GPC5: variants seen among roughly 807,000 people sequenced by gnomAD.
The protein encoded by GPC5 is glypican-5.
A neutral mutation model predicts 53.9 loss-of-function variants in GPC5; 47 were observed. The ratio of observed to expected loss-of-function variants is 0.87; its 90% CI spans 0.69 to 1.11. The LOEUF (loss-of-function observed/expected upper bound fraction) is 1.11. GPC5 is among the 50% of genes most tolerant of loss of function. The pLI, the probability that GPC5 is intolerant of heterozygous loss-of-function variation, is 0.00. For missense variants in GPC5, 748 were observed against 713.1 expected, an observed-to-expected ratio of 1.05 and a Z score of -0.56; for synonymous variants, 286 against 263.3, an observed-to-expected ratio of 1.09 and a Z score of -0.84.
intron 6 of GPC5, among the ~76,000 whole-genome samples, chr13:92,057,663 CTCA>C (rs980324400): frequency 2.0e-5 from 3 of 152,108 alleles, no homozygotes; most frequent in African/African-American, 7.2e-5. Flanking sequence ...AGACATGTAT[CTCA>C]TCATAGCCTG....
At chr13:91,724,737 G>A (rs1342691312) in intron 3 of GPC5, among the ~76,000 whole-genome samples, 1 of 152,088 alleles carries the variant, frequency 6.6e-6, no homozygotes, top group Non-Finnish European at 1.5e-5. Context: ...TGCGCCTATA[G>A]TCCAGCTACT....
At chr13:92,719,023 A>G (rs1372211390) in intron 7 of GPC5, among the ~76,000 whole-genome samples, 1 of 152,136 alleles carries the variant, frequency 6.6e-6, no homozygotes, top group East Asian at 1.9e-4. Flanking sequence ...TAAGACTATC[A>G]AAATATCACA....
chr13:91,753,780 TC>T (rs2037230100), intron 4 of GPC5, among the ~76,000 whole-genome samples: 1 of 152,182 alleles, frequency 6.6e-6, no homozygotes, highest in Admixed American at 6.5e-5. Context: ...CCCTTACTCA[TC>T]CAGGCTTTTT....
chr13:92,601,702 T>C (rs2139081450), intron 7 of GPC5, among the ~76,000 whole-genome samples: 1 of 152,190 alleles, frequency 6.6e-6, no homozygotes, highest in African/African-American at 2.4e-5. Context: ...AATAAAATGC[T>C]TTATATGAAT....
At chr13:92,076,079 T>TA (rs1491120546) in intron 6 of GPC5, among the ~76,000 whole-genome samples, 1 of 5,370 alleles carries the variant, frequency 1.9e-4, no homozygotes, top group Non-Finnish European at 3.0e-3. Flanking sequence ...GAAAGTATAA[T>TA]TTTTTTTTTT....
intron 7 of GPC5, among the ~76,000 whole-genome samples, chr13:92,564,005 A>G (rs1347444437): frequency 1.3e-5 from 2 of 152,028 alleles, no homozygotes; most frequent in African/African-American, 2.4e-5. Flanking sequence ...TTTTAGAAAA[A>G]GAGGAATTAT....
At chr13:91,493,996 C>A (rs975764191) in intron 2 of GPC5, among the ~76,000 whole-genome samples, 4 of 152,056 alleles carry the variant, frequency 2.6e-5, no homozygotes, top group South Asian at 2.1e-4. Flanking sequence ...GCCTGAGCCT[C>A]CCGAGTAGCT....
chr13:92,576,585 G>T (rs1409550834), intron 7 of GPC5, among the ~76,000 whole-genome samples: 4 of 152,092 alleles, frequency 2.6e-5, no homozygotes, highest in Non-Finnish European at 4.4e-5. Flanking sequence ...CATTAAAAAT[G>T]AATAACCCTG....
intron 6 of GPC5, among the ~76,000 whole-genome samples, chr13:92,000,218 G>A (rs1349074195): frequency 1.3e-5 from 2 of 152,000 alleles, no homozygotes; most frequent in African/African-American, 4.8e-5. Context: ...TAGACCAAAA[G>A]AGTGGTTTCT....
At chr13:91,873,087 T>C (rs1332686960) in intron 5 of GPC5, among the ~76,000 whole-genome samples, 1 of 152,326 alleles carries the variant, frequency 6.6e-6, no homozygotes, top group South Asian at 2.1e-4. Flanking sequence ...GTTTATTTTA[T>C]AGAAAATGAT....
At chr13:91,718,900 A>G (rs1199436031) in intron 3 of GPC5, among the ~76,000 whole-genome samples, 1 of 152,198 alleles carries the variant, frequency 6.6e-6, no homozygotes, top group East Asian at 1.9e-4. Context: ...AGTTAACTTT[A>G]TATAATTATC....
At chr13:91,488,100 G>C (rs1363392939) in intron 2 of GPC5, among the ~76,000 whole-genome samples, 4 of 152,108 alleles carry the variant, frequency 2.6e-5, no homozygotes, top group Non-Finnish European at 5.9e-5. Flanking sequence ...GTATGACCCA[G>C]AGGGTATATA....
intron 2 of GPC5, among the ~76,000 whole-genome samples, chr13:91,551,010 T>C (rs1266799736): frequency 4.6e-5 from 7 of 152,172 alleles, no homozygotes. Context: ...AGTGTGTCTT[T>C]ATTAGCAGTG....
chr13:92,127,242 AAC>A (rs1350531241), intron 6 of GPC5, among the ~76,000 whole-genome samples: 1 of 151,054 alleles, frequency 6.6e-6, no homozygotes, highest in Non-Finnish European at 1.5e-5. Flanking sequence ...ACCAAAAGTA[AAC>A]ACTGTTTTTC....
At chr13:92,451,374 A>G (rs1229260223) in intron 7 of GPC5, among the ~76,000 whole-genome samples, 1 of 152,300 alleles carries the variant, frequency 6.6e-6, no homozygotes, top group Admixed American at 6.5e-5. Flanking sequence ...ACATCTGTGT[A>G]GATTTCTAGC....
intron 2 of GPC5, among the ~76,000 whole-genome samples, chr13:91,577,677 C>T (rs923216941): frequency 2.6e-5 from 4 of 152,106 alleles, no homozygotes; most frequent in Non-Finnish European, 4.4e-5. Flanking sequence ...AAAAATGGCA[C>T]TCTAAGGGCT....
At chr13:92,296,804 C>A (rs1207001827) in intron 7 of GPC5, among the ~76,000 whole-genome samples, 2 of 152,338 alleles carry the variant, frequency 1.3e-5, no homozygotes, top group East Asian at 3.9e-4. Flanking sequence ...GGACTTAGCA[C>A]CCAGGCCAGT....
At chr13:92,012,036 G>A (rs1172091001) in intron 6 of GPC5, among the ~76,000 whole-genome samples, 1 of 152,220 alleles carries the variant, frequency 6.6e-6, no homozygotes, top group Non-Finnish European at 1.5e-5. Context: ...GCCTGTCACA[G>A]TTGGGTAATT....
At chr13:91,535,159 A>T (rs993240706) in intron 2 of GPC5, among the ~76,000 whole-genome samples, 7 of 152,112 alleles carry the variant, frequency 4.6e-5, no homozygotes, top group Non-Finnish European at 1.0e-4. Flanking sequence ...CTATTTTCTC[A>T]GTCTGGGATT....
Sources: allele counts gnomAD v4.1 joint callset (sites outside exome capture counted in the v4.1 genomes callset), GRCh38; gene constraint gnomAD v4.1.1; transcripts MANE v1.5; gene names NCBI Gene and HGNC (gene_info 2026-07-23, HGNC 2026-07-21).